The following GDA variants were observed in gnomAD, a reference collection of about 807,000 sequenced individuals.
GDA encodes the protein cytoplasmic PSD-95 interactor.
In GDA, 18 loss-of-function variants were observed where a neutral mutation model predicts 59.6. The observed-to-expected ratio is 0.30, with a 90% CI of 0.21 to 0.45. The LOEUF is 0.45. Ranked by LOEUF, GDA falls within the 20% of genes least tolerant of loss-of-function variation. GDA has a pLI of 1.00. For synonymous variants in GDA, 201 were observed against 201.1 expected, an observed-to-expected ratio of 1.00 and a Z score of 0.00; for missense variants, 427 against 552.3, an observed-to-expected ratio of 0.77 and a Z score of 2.27.
rs71493640 is a variant in GDA, at chr9:72,189,166, CTTTTTTTTTTTTTTTTT to C, written c.124-6320_124-6304del. Among the ~76,000 whole-genome samples, 49 of 54,940 alleles carry C rather than the reference CTTTTTTTTTTTTTTTTT, an allele frequency of 8.9e-4. 1 individual carries two copies. Among genetic ancestry groups the C allele is most frequent in the African/African-American group, 5.3e-3 (46 of 8,736 alleles). 36.0% of individuals were successfully genotyped at this position (54,940 alleles called of 152,430 possible). On this transcript the variant is annotated intron_variant, in intron 1 of 13. Coordinates refer to ENST00000358399, the MANE Select transcript of GDA (RefSeq NM_004293.5). ...CATCTGATACAGAGGAGACTCTAGA[CTTTTTTTTTTTTTTTTT>C]TTTTTTTTTTTTTGGAGACAGGGTT...
intron 1 of GDA, among the ~76,000 whole-genome samples, chr9:72,194,486 G>T (rs1230966537): frequency 6.6e-6 from 1 of 152,082 alleles, no homozygotes. Context: ...TATCCAAGAT[G>T]CAAGAAAAAG....
At chr9:72,128,276 G>A (rs574787785) in intron 1 of GDA, among the ~76,000 whole-genome samples, 1 of 152,230 alleles carries the variant, frequency 6.6e-6, no homozygotes, top group South Asian at 2.1e-4. Flanking sequence ...TCGTTATTCT[G>A]TGTTCTCTTC....
At chr9:72,219,453 CT>C (rs1427685265) in intron 5 of GDA, 25 bp from the exon 6 acceptor site, 2 of 1,534,448 alleles carry the variant, frequency 1.3e-6, no homozygotes, top group Non-Finnish European at 1.8e-6. Flanking sequence ...CTCAAGTTTT[CT>C]AACCCATTTG....
chr9:72,195,017 G>T (rs561879372), intron 1 of GDA, among the ~76,000 whole-genome samples: 1 of 152,302 alleles, frequency 6.6e-6, no homozygotes, highest in South Asian at 2.1e-4. Context: ...GGAAGGGGTA[G>T]CATATGCAAT....
At chr9:72,163,910 C>T (rs186364826) in intron 1 of GDA, among the ~76,000 whole-genome samples, 7 of 152,274 alleles carry the variant, frequency 4.6e-5, no homozygotes, top group South Asian at 2.1e-4. Flanking sequence ...CATAGAATTA[C>T]GTTCTTGGAG....
intron 10 of GDA, among the ~76,000 whole-genome samples, chr9:72,238,081 C>G (rs1839218030): frequency 6.6e-6 from 1 of 152,144 alleles, no homozygotes. Flanking sequence ...ATTACAAGGC[C>G]CACAAAGCTC....
At chr9:72,177,179 A>G (rs1830646068) in intron 1 of GDA, among the ~76,000 whole-genome samples, 1 of 141,474 alleles carries the variant, frequency 7.1e-6, no homozygotes, top group South Asian at 2.2e-4. Context: ...GCTCACTGCA[A>G]CCTCCACCTC....
At chr9:72,252,235 T>C (rs1482222478), downstream of GDA, 1 of 152,624 alleles carries the variant, frequency 6.6e-6, no homozygotes, top group Non-Finnish European at 1.5e-5. Flanking sequence ...TTTTTTGTTG[T>C]GAGTTCTCTC....
Position 72,249,763 on chromosome 9 carries a change from C to T in GDA, c.*1421C>T. 1.2e-6 allele frequency: 1 copy of T among 849,882 alleles called. No individual in the cohort carries two copies. Among genetic ancestry groups the T allele is most frequent in the Non-Finnish European group, 1.4e-6 (1 of 706,642 alleles). 52.6% of individuals were successfully genotyped at this position (849,882 alleles called of 1,614,324 possible). A position where few individuals can be genotyped will look rare whatever the true frequency, so the allele number is the denominator to read the frequency against. On this transcript the variant is annotated 3_prime_UTR_variant, in exon 14 of 14. Transcript: ENST00000358399. Reference sequence around the variant, plus strand: ...TATATTATAACACTCATTCCTAGAGCTTAGGGGTGACTCTTTAATATTACC... The same window carrying T: ...TATATTATAACACTCATTCCTAGAGTTTAGGGGTGACTCTTTAATATTACC...
At chr9:72,150,573 C>CA (rs374808129) in intron 1 of GDA, among the ~76,000 whole-genome samples, 4 of 151,880 alleles carry the variant, frequency 2.6e-5, no homozygotes, top group Admixed American at 6.6e-5. Context: ...TTTTTTAGAA[C>CA]AAAAAAATGA....
chr9:72,122,376 A>T (rs894109603), intron 1 of GDA, among the ~76,000 whole-genome samples: 1 of 152,160 alleles, frequency 6.6e-6, no homozygotes, highest in African/African-American at 2.4e-5. Flanking sequence ...AAGATGGGGA[A>T]AATAATCATT....
intron 1 of GDA, among the ~76,000 whole-genome samples, chr9:72,173,071 C>T (rs1464374868): frequency 1.3e-5 from 2 of 152,168 alleles, no homozygotes; most frequent in Non-Finnish European, 2.9e-5. Context: ...AAGCAACACA[C>T]GCAGATTCTC....
At chr9:72,253,200 A>C (rs978782381), downstream of GDA, 4 of 152,188 alleles carry the variant, frequency 2.6e-5, no homozygotes, top group Non-Finnish European at 5.9e-5. Flanking sequence ...TTCGGATTGC[A>C]CTGGTGACCC....
At position 72,149,538 on chromosome 9, in the gene GDA, CGCGCTGCGCT is replaced by C. The variant is rs1476240192; in HGVS notation, c.-21_-12del. The C allele has an allele frequency of 3.5e-5, 56 of 1,607,212 alleles. No homozygotes were observed. Among genetic ancestry groups the C allele is most frequent in the Non-Finnish European group, 4.8e-5 (56 of 1,178,468 alleles). On this transcript the variant is annotated 5_prime_UTR_variant, in exon 1 of 14. Coordinates refer to ENST00000358399, the MANE Select transcript of GDA (RefSeq NM_004293.5). ...GTGCGCCCTCCTCGACCAGCAGACC[CGCGCTGCGCT>C]CCGCCGCTGACATGTGTGCCGCTCA...
chr9:72,258,378 C>G (rs1383617711), downstream of GDA, among the ~76,000 whole-genome samples: 1 of 152,038 alleles, frequency 6.6e-6, no homozygotes. Flanking sequence ...TCAAAAATGA[C>G]CTGTTTTCTC....
intron 4 of GDA, among the ~76,000 whole-genome samples, chr9:72,213,528 G>A (rs1420307274): frequency 6.6e-6 from 1 of 152,046 alleles, no homozygotes; most frequent in South Asian, 2.1e-4. Context: ...TTTTGGCCGG[G>A]CGCGGTGGCT....
At chr9:72,213,132 G>A (rs557420841) in intron 4 of GDA, among the ~76,000 whole-genome samples, 2 of 152,126 alleles carry the variant, frequency 1.3e-5, no homozygotes, top group East Asian at 3.9e-4. Flanking sequence ...GCTGGGCACA[G>A]TGGTGCGTGC....
chr9:72,170,913 C>T (rs1829888674), intron 1 of GDA, among the ~76,000 whole-genome samples: 2 of 152,212 alleles, frequency 1.3e-5, no homozygotes, highest in Admixed American at 1.3e-4. Context: ...TCCCCTGGGG[C>T]ACAAGTGATC....
Position 72,223,215 on chromosome 9 carries a change from T to G in GDA, c.702T>G (p.Asp234Glu). ...TGGGCAACATTGCTAAAACCCGTGA[T>G]TTGCACATTCAGGTGGGTATTCTTC... ...GELGNIAKTR[D>E]LHIQSHISEN... The change falls in exon 7 of 14, where the codon GAT (aspartate) becomes GAG (glutamate). Residue 234 changes from aspartate (D) to glutamate (E), a missense_variant. By Grantham distance (45) the Asp-to-Glu change is conservative. Transcript: ENST00000358399. 18 of 1,603,202 alleles carry G rather than the reference T, an allele frequency of 1.1e-5. No individual in the cohort carries two copies. The highest frequency in any genetic ancestry group is 1.5e-5 in the Non-Finnish European group (18 of 1,170,172).
Sources: gnomAD v4.1 joint callset for allele counts (sites outside exome capture counted in the v4.1 genomes callset) on GRCh38, gnomAD v4.1.1 for gene constraint, MANE v1.5 for transcripts, NCBI Gene and HGNC (gene_info 2026-07-23, HGNC 2026-07-21) for gene names.